The following NPAS3 variants were observed in gnomAD, a reference collection of about 807,000 sequenced individuals.
NPAS3 encodes the protein neuronal PAS domain-containing protein 3.
NPAS3 carries 14 observed loss-of-function variants against 73.1 expected under a neutral mutation model. The ratio of observed to expected loss-of-function variants is 0.19; its 90% CI spans 0.13 to 0.30. The LOEUF is 0.30. Among genes scored for constraint, NPAS3 ranks in the 10% least tolerant of loss-of-function variants. NPAS3 has a pLI of 1.00. For missense variants in NPAS3, 1,096 were observed against 1,250.0 expected (o/e 0.88, Z 1.86); for synonymous variants, 620 against 541.5 (o/e 1.14, Z -2.01).
intron 4 of NPAS3, among the ~76,000 whole-genome samples, chr14:33,462,032 G>A (rs998718817): frequency 2.0e-5 from 3 of 152,178 alleles, no homozygotes; most frequent in Non-Finnish European, 2.9e-5. Flanking sequence ...ACAGATAATG[G>A]CAACTCCTAC....
intron 2 of NPAS3, among the ~76,000 whole-genome samples, chr14:33,122,950 AAAAC>A (rs1180191556): frequency 1.3e-5 from 2 of 152,118 alleles, no homozygotes; most frequent in Non-Finnish European, 2.9e-5. Flanking sequence ...AGTCGAAAAT[AAAAC>A]AAAACAACAC....
At chr14:33,780,818 C>T in intron 9 of NPAS3, 1 of 271,002 alleles carries the variant, frequency 3.7e-6, no homozygotes, top group South Asian at 3.4e-5. Flanking sequence ...GTGCTATTCT[C>T]CTAATTTTTC....
intron 6 of NPAS3, among the ~76,000 whole-genome samples, chr14:33,682,648 A>T (rs2059971674): frequency 6.6e-6 from 1 of 152,212 alleles, no homozygotes; most frequent in African/African-American, 2.4e-5. Flanking sequence ...GCTAAGCTAA[A>T]CAAGATCCCC....
At chr14:33,335,043 C>CGTGTGTGTGT (rs59212032) in intron 3 of NPAS3, among the ~76,000 whole-genome samples, 26 of 146,950 alleles carry the variant, frequency 1.8e-4, no homozygotes, top group Non-Finnish European at 3.1e-4. Context: ...TGTGTGTGTG[C>CGTGTGTGTGT]GTGTGTGTGT....
chr14:33,217,406 A>G (rs944147453), intron 3 of NPAS3, among the ~76,000 whole-genome samples: 13 of 152,198 alleles, frequency 8.5e-5, no homozygotes, highest in African/African-American at 3.1e-4. Context: ...TTTCCACTCT[A>G]GTTTGAGGCA....
At chr14:33,112,379 G>A (rs1266264346) in intron 2 of NPAS3, among the ~76,000 whole-genome samples, 1 of 152,124 alleles carries the variant, frequency 6.6e-6, no homozygotes, top group Admixed American at 6.5e-5. Context: ...GTGTGAGATG[G>A]TATCTCATTG....
intron 2 of NPAS3, among the ~76,000 whole-genome samples, chr14:33,208,881 C>T (rs907381246): frequency 2.6e-5 from 4 of 152,148 alleles, no homozygotes; most frequent in Non-Finnish European, 5.9e-5. Flanking sequence ...TCTTTACTGA[C>T]GTGTTTCTGC....
chr14:33,286,128 G>T (rs1044558856), intron 3 of NPAS3, among the ~76,000 whole-genome samples: 1 of 152,148 alleles, frequency 6.6e-6, no homozygotes, highest in Non-Finnish European at 1.5e-5. Flanking sequence ...TACAATCAAT[G>T]AGTTGAGTTC....
At chr14:32,946,334 A>ACACACACGCACG (rs2036249417) in intron 1 of NPAS3, among the ~76,000 whole-genome samples, 2 of 104,318 alleles carry the variant, frequency 1.9e-5, no homozygotes, top group African/African-American at 3.3e-5. Context: ...CATCCCCCCA[A>ACACACACGCACG]CACACACACA....
At chr14:33,091,155 G>T (rs555814811) in intron 2 of NPAS3, among the ~76,000 whole-genome samples, 32 of 152,250 alleles carry the variant, frequency 2.1e-4, no homozygotes, top group African/African-American at 7.2e-4. Context: ...AGAACTGAAG[G>T]AGATAGAGAC....
intron 4 of NPAS3, among the ~76,000 whole-genome samples, chr14:33,375,439 T>G (rs1195188818): frequency 6.6e-6 from 1 of 152,200 alleles, no homozygotes; most frequent in African/African-American, 2.4e-5. Flanking sequence ...TTGCAGTAAA[T>G]AACTTGGAGG....
chr14:33,023,733 T>G (rs1203362515), intron 1 of NPAS3, among the ~76,000 whole-genome samples: 1 of 152,206 alleles, frequency 6.6e-6, no homozygotes, highest in African/African-American at 2.4e-5. Flanking sequence ...GCTTTTGTCT[T>G]GAATATTCTT....
chr14:32,948,035 G>A lies in NPAS3; in HGVS notation c.50+8669G>A, dbSNP rs535453337. On this transcript the variant is annotated intron_variant, in intron 1 of 11. Transcript: ENST00000356141. ...GAATGCACAGCAAGACATTAGAAAC[G>A]TGAGGATTCCTCTACTGATTAAAGT... Among the ~76,000 whole-genome samples the A allele has an allele frequency of 5.9e-5, 9 of 152,200 alleles. No individual in the cohort carries two copies. The South Asian group carries it at 8.3e-4, about 14-fold the overall frequency.
intron 1 of NPAS3, among the ~76,000 whole-genome samples, chr14:33,049,663 T>G (rs747029401): frequency 7.9e-5 from 12 of 152,116 alleles, no homozygotes; most frequent in Non-Finnish European, 1.6e-4. Context: ...AGCTACAAGA[T>G]GAGATTTGGG....
chr14:33,215,077 T>G (rs2139675242), intron 2 of NPAS3, 105 bp from the exon 3 acceptor site: 1 of 1,214,354 alleles, frequency 8.2e-7, no homozygotes, highest in South Asian at 1.5e-5. Context: ...GAAATAGTTT[T>G]TGGTAGAATT....
chr14:33,229,476 C>T (rs891837628), intron 3 of NPAS3, among the ~76,000 whole-genome samples: 3 of 152,188 alleles, frequency 2.0e-5, no homozygotes, highest in Non-Finnish European at 4.4e-5. Flanking sequence ...CTCAGAGTCA[C>T]GTGCTCACCT....
intron 1 of NPAS3, among the ~76,000 whole-genome samples, chr14:32,983,234 G>A (rs747690505): frequency 3.3e-5 from 5 of 151,944 alleles, no homozygotes; most frequent in Non-Finnish European, 7.4e-5. Flanking sequence ...ATTTTGTAGG[G>A]TTTACATCCC....
At chr14:33,090,369 T>C (rs966437958) in intron 2 of NPAS3, among the ~76,000 whole-genome samples, 1 of 152,088 alleles carries the variant, frequency 6.6e-6, no homozygotes, top group Non-Finnish European at 1.5e-5. Flanking sequence ...TAAAACAGAC[T>C]TTAAACCAAC....
At chr14:33,309,979 T>C (rs966222697) in intron 3 of NPAS3, among the ~76,000 whole-genome samples, 30 of 152,176 alleles carry the variant, frequency 2.0e-4, no homozygotes, top group Non-Finnish European at 3.2e-4. Flanking sequence ...TGGAGAGTCA[T>C]TGTCTTCATA....
Sources: gnomAD v4.1 joint callset for allele counts (sites outside exome capture counted in the v4.1 genomes callset) on GRCh38, gnomAD v4.1.1 for gene constraint, MANE v1.5 for transcripts, NCBI Gene and HGNC (gene_info 2026-07-23, HGNC 2026-07-21) for gene names.